The following CAB39L variants were observed in gnomAD, a reference collection of about 807,000 sequenced individuals.
The protein encoded by CAB39L is calcium-binding protein 39-like.
A neutral mutation model predicts 39.1 loss-of-function variants in CAB39L; 23 were observed. The ratio of observed to expected loss-of-function variants is 0.59; its 90% CI spans 0.42 to 0.83. The LOEUF is 0.83. CAB39L is among the 40% of genes least tolerant of loss of function. The pLI is 0.00. For missense variants in CAB39L, 366 were observed against 391.9 expected (o/e 0.93, Z 0.56); for synonymous variants, 126 against 137.2 (o/e 0.92, Z 0.57).
intron 9 of CAB39L, among the ~76,000 whole-genome samples, chr13:49,335,819 T>G (rs1178645756): frequency 6.6e-6 from 1 of 152,198 alleles, no homozygotes; most frequent in Admixed American, 6.5e-5. Context: ...TTATTTTTTA[T>G]TGACACCAGG....
rs77249580 is a variant in CAB39L, at chr13:49,401,306, A to C, written c.-31-18365T>G. ...GCGTGGCAGAGAAAAGAGTTTCCAC[A>C]ATTAGGTCTTGACTTTCTGTCCCTC... is the stretch of plus-strand genomic sequence containing the variant. On this transcript the variant is annotated intron_variant, in intron 3 of 10. Transcript: ENST00000409308. 1.5e-3 allele frequency: 234 copies of C among 152,284 alleles called. 1 individual carries two copies. Among genetic ancestry groups the C allele is most frequent in the African/African-American group, 5.4e-3 (225 of 41,568 alleles). The allele number at this position is 152,284 out of a possible 1,614,324, so 9.4% of individuals were successfully genotyped here. A position where few individuals can be genotyped will look rare whatever the true frequency, so the allele number is the denominator to read the frequency against.
At chr13:49,435,643 G>T (rs370151472) in intron 1 of CAB39L, among the ~76,000 whole-genome samples, 3 of 152,120 alleles carry the variant, frequency 2.0e-5, no homozygotes, top group African/African-American at 7.2e-5. Context: ...TGGGATTATA[G>T]GTGCTCACCA....
At chr13:49,412,991 A>G (rs1957020328) in intron 3 of CAB39L, 1 of 152,196 alleles carries the variant, frequency 6.6e-6, no homozygotes, top group African/African-American at 2.4e-5. Flanking sequence ...CCCCTGCATT[A>G]AGCAACTCTT....
At chr13:49,333,117 G>A (rs564204664) in intron 9 of CAB39L, among the ~76,000 whole-genome samples, 1 of 152,192 alleles carries the variant, frequency 6.6e-6, no homozygotes, top group East Asian at 1.9e-4. Context: ...TAACATGAAA[G>A]AAGTATACAA....
At chr13:49,388,761 G>A (rs1956422989) in intron 3 of CAB39L, among the ~76,000 whole-genome samples, 1 of 151,968 alleles carries the variant, frequency 6.6e-6, no homozygotes, top group South Asian at 2.1e-4. Flanking sequence ...AATAAATAAG[G>A]ATTCAACTAA....
intron 10 of CAB39L, among the ~76,000 whole-genome samples, chr13:49,329,582 T>A (rs1459322278): frequency 9.8e-5 from 10 of 102,136 alleles, no homozygotes; most frequent in South Asian, 3.3e-4. Context: ...TATATATATA[T>A]ATATATATAT....
chr13:49,412,893 T>C (rs1406311808), intron 3 of CAB39L: 1 of 152,348 alleles, frequency 6.6e-6, no homozygotes, highest in Non-Finnish European at 1.5e-5. Flanking sequence ...ATGGTAATGC[T>C]TGCCAGCCAG....
chr13:49,396,999 C>G (rs1023028091), intron 3 of CAB39L, among the ~76,000 whole-genome samples: 2 of 152,256 alleles, frequency 1.3e-5, no homozygotes, highest in South Asian at 2.1e-4. Flanking sequence ...CAAGAAGACT[C>G]TCCCCCAAAA....
At chr13:49,412,365 T>A (rs1418328165) in intron 3 of CAB39L, among the ~76,000 whole-genome samples, 1 of 150,332 alleles carries the variant, frequency 6.7e-6, no homozygotes, top group Admixed American at 6.7e-5. Flanking sequence ...CTTTGCCATT[T>A]AAAAAAAAAA....
At chr13:49,346,682 C>T (rs1187273874) in intron 7 of CAB39L, among the ~76,000 whole-genome samples, 1 of 152,074 alleles carries the variant, frequency 6.6e-6, no homozygotes, top group Admixed American at 6.6e-5. Flanking sequence ...GGGAGTGTAC[C>T]GAGCACTTTG....
At chr13:49,413,626 A>G (rs983522389) in intron 3 of CAB39L, 1 of 152,198 alleles carries the variant, frequency 6.6e-6, no homozygotes, top group Non-Finnish European at 1.5e-5. Flanking sequence ...GAGGGCACAT[A>G]TATTTGTTGT....
At chr13:49,348,343 G>A (rs1012506263) in intron 7 of CAB39L, among the ~76,000 whole-genome samples, 4 of 152,154 alleles carry the variant, frequency 2.6e-5, no homozygotes, top group Non-Finnish European at 5.9e-5. Flanking sequence ...CAAGGCAGGC[G>A]GATGGCTTGA....
chr13:49,380,866 CTT>C (rs1956239682), intron 4 of CAB39L, among the ~76,000 whole-genome samples: 1 of 152,034 alleles, frequency 6.6e-6, no homozygotes, highest in Non-Finnish European at 1.5e-5. Flanking sequence ...CATGATGCAA[CTT>C]TTGTTATTTA....
chr13:49,326,801 A>G (rs1237662411), intron 10 of CAB39L, among the ~76,000 whole-genome samples: 1 of 152,170 alleles, frequency 6.6e-6, no homozygotes, highest in Non-Finnish European at 1.5e-5. Context: ...TGATCTTCTC[A>G]GAGGATGGAA....
At chr13:49,438,486 A>C (rs1160091445) in intron 1 of CAB39L, among the ~76,000 whole-genome samples, 1 of 152,182 alleles carries the variant, frequency 6.6e-6, no homozygotes, top group African/African-American at 2.4e-5. Context: ...CTTCAGAAGG[A>C]TTCATGGGAA....
At chr13:49,339,598 C>T in intron 9 of CAB39L, 79 bp downstream of exon 9, 1 of 1,352,096 alleles carries the variant, frequency 7.4e-7, no homozygotes, top group Non-Finnish European at 9.6e-7. Flanking sequence ...TCTGTGTTTA[C>T]TCATATACTA....
At chr13:49,349,043 C>T (rs1401990362) in intron 7 of CAB39L, among the ~76,000 whole-genome samples, 1 of 152,200 alleles carries the variant, frequency 6.6e-6, no homozygotes, top group Non-Finnish European at 1.5e-5. Flanking sequence ...ACCTAATATA[C>T]CTTTCAACAG....
chr13:49,350,403 A>G (rs1955310082), intron 7 of CAB39L, among the ~76,000 whole-genome samples: 1 of 152,214 alleles, frequency 6.6e-6, no homozygotes, highest in Admixed American at 6.5e-5. Context: ...TTCAGTGCAT[A>G]TGTACCTTAA....
chr13:49,326,735 C>T (rs1954513349), intron 10 of CAB39L, among the ~76,000 whole-genome samples: 1 of 152,102 alleles, frequency 6.6e-6, no homozygotes, highest in Non-Finnish European at 1.5e-5. Flanking sequence ...AGTAAACAAG[C>T]GGTCAACTAT....
Sources: gnomAD v4.1 joint callset for allele counts (sites outside exome capture counted in the v4.1 genomes callset) on GRCh38, gnomAD v4.1.1 for gene constraint, MANE v1.5 for transcripts, NCBI Gene and HGNC (gene_info 2026-07-23, HGNC 2026-07-21) for gene names.